C11orf16: variants seen among roughly 807,000 people sequenced by gnomAD.
The protein encoded by C11orf16 is chromosome 11 open reading frame 16.
C11orf16 carries 38 observed loss-of-function variants against 45.1 expected under a neutral mutation model. The ratio of observed to expected loss-of-function variants is 0.84; its 90% CI spans 0.65 to 1.10. The LOEUF (loss-of-function observed/expected upper bound fraction) is 1.10, where lower values mean the gene tolerates loss of function less well. Ranked by LOEUF, C11orf16 falls within the 50% of genes least tolerant of loss-of-function variation. C11orf16 has a pLI of 0.00. For missense variants in C11orf16, 583 were observed against 569.5 expected (o/e 1.02, Z -0.24); for synonymous variants, 221 against 222.0 (o/e 1.00, Z 0.04).
At position 8,932,229 on chromosome 11, in the gene C11orf16, T is replaced by A; in HGVS notation, c.80A>T (p.Asp27Val). 5 of 1,608,140 alleles carry A rather than the reference T, an allele frequency of 3.1e-6. No homozygotes were observed. Among genetic ancestry groups the A allele is most frequent in the Non-Finnish European group, 4.2e-6 (5 of 1,177,514 alleles). ...GAGGTCCCAAGGTGGAGCAGCACCG[T>A]CCCAGCCAGGGGCCTTCAGGCTTGT... is the stretch of plus-strand genomic sequence containing the variant. ...VATSLKAPGW[D>V]GAAPPWDLSF... The change falls in exon 2 of 7, where the codon GAC (aspartate) becomes GTC (valine). Residue 27 changes from aspartate (D) to valine (V), a missense_variant. By Grantham distance (152) the Asp-to-Val change is radical. Transcript: ENST00000326053.
intron 4 of C11orf16, among the ~76,000 whole-genome samples, chr11:8,926,469 C>G (rs2064614308): frequency 6.6e-6 from 1 of 152,206 alleles, no homozygotes. Flanking sequence ...GTTACCTCCA[C>G]TTCCCAAGGA....
intron 1 of C11orf16, 144 bp from the exon 2 acceptor site, chr11:8,932,470 A>G (rs1264722359): frequency 1.4e-5 from 8 of 586,320 alleles, no homozygotes; most frequent in Non-Finnish European, 2.2e-5. Context: ...ACAAACTCTC[A>G]CAGTTTCCTC....
chr11:8,929,306 C>T (rs1447075908), intron 3 of C11orf16, 71 bp downstream of exon 3: 4 of 1,509,322 alleles, frequency 2.7e-6, no homozygotes, highest in East Asian at 2.3e-5. Flanking sequence ...ATGTACACAG[C>T]TAAGGCATGT....
At chr11:8,926,178 T>C (rs897756747) in intron 4 of C11orf16, 71 bp from the exon 5 acceptor site, 18 of 1,341,730 alleles carry the variant, frequency 1.3e-5, no homozygotes, top group African/African-American at 1.5e-5. Context: ...TTTTCTTTTT[T>C]TCTTTTCTTT....
intron 5 of C11orf16, among the ~76,000 whole-genome samples, chr11:8,921,902 A>C (rs2064577622): frequency 6.6e-6 from 1 of 151,978 alleles, no homozygotes; most frequent in Admixed American, 6.6e-5. Flanking sequence ...CAGCCTCCCA[A>C]AGTGTTGCAG....
chr11:8,924,143 G>T (rs1442603075), intron 5 of C11orf16, among the ~76,000 whole-genome samples: 3 of 152,104 alleles, frequency 2.0e-5, no homozygotes, highest in Non-Finnish European at 4.4e-5. Context: ...GGGTTCAGAG[G>T]AGTCACCAGG....
chr11:8,932,335 A>T lies in C11orf16; in HGVS notation c.-18-9T>A, dbSNP rs778750979. The T allele has an allele frequency of 3.2e-6, 5 of 1,562,398 alleles. No individual in the cohort carries two copies. The highest frequency in any genetic ancestry group is 3.5e-6 in the Non-Finnish European group (4 of 1,156,018). On this transcript the variant is annotated splice_polypyrimidine_tract_variant and intron_variant, in intron 1 of 6. Coordinates refer to ENST00000326053, the MANE Select transcript of C11orf16 (RefSeq NM_020643.3). Reference sequence around the variant, plus strand: ...GCCTTCAGAGGATCCACCTGAGAATAGGCACCACCATTACCTGAGCTGCAG... The same window carrying T: ...GCCTTCAGAGGATCCACCTGAGAATTGGCACCACCATTACCTGAGCTGCAG...
chr11:8,929,004 G>A (rs143577947), intron 3 of C11orf16: 2 of 197,510 alleles, frequency 1.0e-5, no homozygotes, highest in African/African-American at 2.3e-5. Context: ...AGATCAAGGC[G>A]ATGCCTCTAT....
chr11:8,926,129 C>A, intron 4 of C11orf16, 22 bp from the exon 5 acceptor site: 2 of 1,512,124 alleles, frequency 1.3e-6, no homozygotes, highest in South Asian at 1.3e-5. Context: ...AAAATGGCAA[C>A]ATTTTGTTAT....
chr11:8,926,668 G>C (rs1264273392), intron 4 of C11orf16, among the ~76,000 whole-genome samples: 4 of 152,104 alleles, frequency 2.6e-5, no homozygotes, highest in Admixed American at 1.3e-4. Context: ...GTTGTGAGTA[G>C]CTAAACCATG....
At chr11:8,926,185 C>CA in intron 4 of C11orf16, 78 bp from the exon 5 acceptor site, 3 of 886,444 alleles carry the variant, frequency 3.4e-6, no homozygotes, top group Non-Finnish European at 4.6e-6. Flanking sequence ...TTTTTCTTTT[C>CA]TTTTTTTTTT....
chr11:8,920,901 G>A (rs1377663540), intron 6 of C11orf16, among the ~76,000 whole-genome samples: 4 of 152,124 alleles, frequency 2.6e-5, no homozygotes, highest in South Asian at 2.1e-4. Context: ...TCCCAGTTTC[G>A]TTGCCTGGTG....
chr11:8,931,858 T>A (rs1052443910), intron 2 of C11orf16, among the ~76,000 whole-genome samples: 1 of 152,190 alleles, frequency 6.6e-6, no homozygotes, highest in Non-Finnish European at 1.5e-5. Context: ...TAAAATGAGC[T>A]ATAAACTTGG....
chr11:8,925,849 C>T lies in C11orf16; in HGVS notation c.818G>A (p.Cys273Tyr), dbSNP rs1555226151. The T allele has an allele frequency of 1.2e-6, 2 of 1,614,222 alleles. No individual in the cohort carries two copies. Among genetic ancestry groups the T allele is most frequent in the Admixed American group, 1.7e-5 (1 of 60,028 alleles). The part of the protein sequence containing the change: ...FLCPLCHHHA[C>Y]CQLLCQGCLC... ...GCAGCCCTGGCACAGTAGCTGGCAG[C>T]AGGCATGATGGTGGCAGAGAGGGCA... The change falls in exon 5 of 7, where the codon TGC becomes TAC. Residue 273 changes from cysteine (C) to tyrosine (Y), a missense_variant. By Grantham distance (194) the Cys-to-Tyr change is radical. Transcript: ENST00000326053.
Position 8,929,004 on chromosome 11 carries a change from G to T in C11orf16, c.324+373C>A, listed in dbSNP as rs143577947. On this transcript the variant is annotated intron_variant, in intron 3 of 6. Coordinates refer to ENST00000326053, the MANE Select transcript of C11orf16 (RefSeq NM_020643.3). ...TAAAGGTAAAGGCAGAGATCAAGGC[G>T]ATGCCTCTATAAGCTGAGGAACACC... 2.9e-3 allele frequency: 566 copies of T among 197,624 alleles called. 7 individuals are homozygous for T. The highest frequency in any genetic ancestry group is 0.012 in the African/African-American group (539 of 43,170). The allele number at this position is 197,624 out of a possible 1,614,324, so 12.2% of individuals were successfully genotyped here. A position where few individuals can be genotyped will look rare whatever the true frequency, so the allele number is the denominator to read the frequency against.
In C11orf16 at chr11:8,925,952, A is replaced by C. The variant is rs927491875; in HGVS notation, c.715T>G (p.Trp239Gly). ...FTREHPRPLH[W>G]APCCSLLGPI... is the part of the protein sequence containing the mutation. ...CCTAGCAGAGAGCAGCAAGGGGCCCAGTGAAGGGGCCTGGGGTGCTCCCTG... is the reference window on the plus strand; with the variant it reads ...CCTAGCAGAGAGCAGCAAGGGGCCCCGTGAAGGGGCCTGGGGTGCTCCCTG... Residue 239 changes from tryptophan to glycine, a missense_variant, in exon 5 of 7, where the codon TGG becomes GGG. Trp to Gly is a radical substitution (Grantham distance 184). Coordinates refer to ENST00000326053, the MANE Select transcript of C11orf16 (RefSeq NM_020643.3). 40 of 1,614,044 alleles carry C rather than the reference A, an allele frequency of 2.5e-5. 1 individual carries two copies. Among genetic ancestry groups the C allele is most frequent in the Non-Finnish European group, 3.2e-5 (38 of 1,180,036 alleles).
At position 8,926,112 on chromosome 11, in the gene C11orf16, A is replaced by T. The variant is rs376521034; in HGVS notation, c.560-5T>A. ...TGATTTCTTTTTCCTTTGATGCTAC[A>T]TAACAAAAAATGGCAACATTTTGTT... On this transcript the variant is annotated splice_region_variant and splice_polypyrimidine_tract_variant and intron_variant, in intron 4 of 6. Transcript: ENST00000326053. The T allele has an allele frequency of 1.2e-5, 19 of 1,554,832 alleles. No homozygotes were observed. Among genetic ancestry groups the T allele is most frequent in the Non-Finnish European group, 1.4e-5 (16 of 1,150,468 alleles).
In C11orf16 at chr11:8,920,396, C is replaced by A; in HGVS notation, c.*77G>T. 1 of 659,984 alleles carries A rather than the reference C, an allele frequency of 1.5e-6. No homozygotes were observed. The highest frequency in any genetic ancestry group is 2.7e-6 in the Non-Finnish European group (1 of 366,070). 40.9% of individuals were successfully genotyped at this position (659,984 alleles called of 1,614,324 possible). A position where few individuals can be genotyped will look rare whatever the true frequency, so the allele number is the denominator to read the frequency against. On this transcript the variant is annotated 3_prime_UTR_variant, in exon 7 of 7. Transcript: ENST00000326053. ...TCTGCCTCCTTCCGTTGAAGAAGGCCTTGTCAGCCACTCTGTATAACTCTC... is the reference window on the plus strand; with the variant it reads ...TCTGCCTCCTTCCGTTGAAGAAGGCATTGTCAGCCACTCTGTATAACTCTC...
rs1403632434 is a variant in C11orf16, at chr11:8,932,123, G to C, written c.167+19C>G. ...AAGAAAAGGGCATCCACTTCCCCCAGAGGGGCAGAGACAGGTACCTTGCAA... is the reference window on the plus strand; with the variant it reads ...AAGAAAAGGGCATCCACTTCCCCCACAGGGGCAGAGACAGGTACCTTGCAA... On this transcript the variant is annotated intron_variant, in intron 2 of 6. Coordinates refer to ENST00000326053, the MANE Select transcript of C11orf16 (RefSeq NM_020643.3). The C allele has an allele frequency of 6.4e-7, 1 of 1,554,112 alleles. No homozygotes were observed. Among genetic ancestry groups the C allele is most frequent in the Admixed American group, 2.1e-5 (1 of 47,982 alleles).
Sources: gnomAD v4.1 joint callset for allele counts (sites outside exome capture counted in the v4.1 genomes callset) on GRCh38, gnomAD v4.1.1 for gene constraint, MANE v1.5 for transcripts, NCBI Gene and HGNC (gene_info 2026-07-23, HGNC 2026-07-21) for gene names.